PCTP: variants seen among roughly 807,000 people sequenced by gnomAD.
PCTP encodes the protein START domain-containing protein 2.
Under a neutral mutation model 31.0 loss-of-function variants are expected in PCTP, and 27 were observed. The observed-to-expected ratio is 0.87, with a 90% CI of 0.64 to 1.20. The LOEUF (loss-of-function observed/expected upper bound fraction) is 1.20. Ranked by LOEUF, PCTP falls within the 50% of genes most tolerant of loss-of-function variation. The probability of loss-of-function intolerance (pLI) is 0.00; values close to 1 mark genes in which losing one functional copy is unlikely to be tolerated. For synonymous variants in PCTP, 108 were observed against 101.2 expected, an observed-to-expected ratio of 1.07 and a Z score of -0.40; for missense variants, 287 against 268.2, an observed-to-expected ratio of 1.07 and a Z score of -0.49.
intron 3 of PCTP, among the ~76,000 whole-genome samples, chr17:55,793,022 C>G (rs1489704882): frequency 6.6e-6 from 1 of 152,074 alleles, no homozygotes; most frequent in Non-Finnish European, 1.5e-5. Context: ...TCAACCTCAC[C>G]CTGCCATCCC....
chr17:55,804,246 A>G (rs536399395), intron 3 of PCTP, among the ~76,000 whole-genome samples: 1 of 152,364 alleles, frequency 6.6e-6, no homozygotes, highest in African/African-American at 2.4e-5. Flanking sequence ...AGAAATAGGA[A>G]TGCTTTTACA....
chr17:55,810,346 A>C (rs963646858), intron 3 of PCTP, among the ~76,000 whole-genome samples: 4 of 152,164 alleles, frequency 2.6e-5, no homozygotes, highest in Non-Finnish European at 5.9e-5. Context: ...AAGTACTGGG[A>C]AGGCCGAGCA....
At chr17:55,801,941 A>C (rs779590907) in intron 3 of PCTP, among the ~76,000 whole-genome samples, 4 of 152,238 alleles carry the variant, frequency 2.6e-5, no homozygotes, top group Non-Finnish European at 5.9e-5. Flanking sequence ...GTTTTTTGAA[A>C]AGATTAACAA....
downstream of PCTP, among the ~76,000 whole-genome samples, chr17:55,827,885 C>T (rs970300100): frequency 1.3e-5 from 2 of 152,140 alleles, no homozygotes; most frequent in African/African-American, 2.4e-5. Flanking sequence ...CCCTCCCTGA[C>T]GAGAAGCTTA....
At chr17:55,799,507 T>C (rs965841981) in intron 3 of PCTP, among the ~76,000 whole-genome samples, 3 of 152,004 alleles carry the variant, frequency 2.0e-5, no homozygotes, top group Non-Finnish European at 4.4e-5. Context: ...AGCACACCAA[T>C]GGGTCTTGAC....
chr17:55,846,788 A>T (rs1266153776), downstream of PCTP, among the ~76,000 whole-genome samples: 1 of 152,222 alleles, frequency 6.6e-6, no homozygotes. Flanking sequence ...CTCAGAGGTC[A>T]CCTGACTCAA....
At chr17:55,809,538 T>C (rs935515696) in intron 3 of PCTP, among the ~76,000 whole-genome samples, 58 of 151,888 alleles carry the variant, frequency 3.8e-4, no homozygotes, top group African/African-American at 1.4e-3. Flanking sequence ...TTTTTTTTTT[T>C]TGGAGACGAA....
At chr17:55,788,609 T>C (rs1911838676) in intron 3 of PCTP, among the ~76,000 whole-genome samples, 1 of 152,188 alleles carries the variant, frequency 6.6e-6, no homozygotes, top group Non-Finnish European at 1.5e-5. Context: ...TACTTATGAT[T>C]GCTAGTGATT....
intron 5 of PCTP, among the ~76,000 whole-genome samples, chr17:55,839,507 A>G (rs1052012402): frequency 6.6e-6 from 1 of 152,206 alleles, no homozygotes; most frequent in African/African-American, 2.4e-5. Flanking sequence ...TACAGGGACA[A>G]GATATCTATA....
intron 3 of PCTP, among the ~76,000 whole-genome samples, chr17:55,791,945 G>A (rs540517511): frequency 5.3e-5 from 8 of 152,086 alleles, no homozygotes; most frequent in East Asian, 3.9e-4. Context: ...GGAAAATGTG[G>A]CACATATACA....
At chr17:55,845,887 G>GGGGTGTGTGTGTGT (rs1555572496), downstream of PCTP, among the ~76,000 whole-genome samples, 27 of 143,062 alleles carry the variant, frequency 1.9e-4, no homozygotes, top group South Asian at 4.6e-4. Flanking sequence ...AGAGGGTTGG[G>GGGGTGTGTGTGTGT]GTGTGTGTGT....
chr17:55,795,968 G>A (rs1912174318), intron 3 of PCTP, among the ~76,000 whole-genome samples: 1 of 152,040 alleles, frequency 6.6e-6, no homozygotes, highest in African/African-American at 2.4e-5. Flanking sequence ...TCAAAAAAGT[G>A]TTCTGGTGAT....
At chr17:55,758,360 G>A (rs1193366285) in intron 1 of PCTP, among the ~76,000 whole-genome samples, 1 of 152,156 alleles carries the variant, frequency 6.6e-6, no homozygotes, top group East Asian at 1.9e-4. Flanking sequence ...AGACCAGCAT[G>A]ACTGGAAAAA....
chr17:55,782,990 G>A (rs1284894620), intron 2 of PCTP, among the ~76,000 whole-genome samples: 1 of 152,098 alleles, frequency 6.6e-6, no homozygotes, highest in East Asian at 1.9e-4. Flanking sequence ...ATCTGCTGAA[G>A]GAATAAATGA....
At chr17:55,813,112 A>G (rs1210647432) in intron 3 of PCTP, among the ~76,000 whole-genome samples, 1 of 152,148 alleles carries the variant, frequency 6.6e-6, no homozygotes, top group African/African-American at 2.4e-5. Flanking sequence ...GAAGAGTAGA[A>G]TGAGGTTTCG....
chr17:55,809,314 T>C lies in PCTP; in HGVS notation c.318-13447T>C, dbSNP rs192853796. Among the ~76,000 whole-genome samples, 33 of 152,308 alleles carry C rather than the reference T, an allele frequency of 2.2e-4. No individual in the cohort carries two copies. The East Asian group carries it at 6.4e-3, about 29-fold the overall frequency. ...TTTATTTGAAAAGTTTCTTTATATA[T>C]GATATTACATCTATTATCTCTCTGT... is the stretch of plus-strand genomic sequence containing the variant. On this transcript the variant is annotated intron_variant, in intron 3 of 3. Transcript: ENST00000572536.
At chr17:55,820,413 G>C (rs924713932) in intron 3 of PCTP, among the ~76,000 whole-genome samples, 2 of 152,188 alleles carry the variant, frequency 1.3e-5, no homozygotes, top group Non-Finnish European at 2.9e-5. Flanking sequence ...GGTGAGAGCT[G>C]CTCTGGGCTT....
intron 2 of PCTP, among the ~76,000 whole-genome samples, chr17:55,782,692 C>A (rs1157479870): frequency 1.3e-5 from 2 of 152,146 alleles, no homozygotes; most frequent in Non-Finnish European, 2.9e-5. Context: ...CTTGTTTTTA[C>A]ATCAGTCATT....
chr17:55,762,232 G>A (rs187178495), intron 1 of PCTP, among the ~76,000 whole-genome samples: 2 of 152,332 alleles, frequency 1.3e-5, no homozygotes, highest in African/African-American at 4.8e-5. Flanking sequence ...CTGGAGGAAG[G>A]AGAAAAGTTC....
Sources: allele counts gnomAD v4.1 joint callset (sites outside exome capture counted in the v4.1 genomes callset), GRCh38; gene constraint gnomAD v4.1.1; transcripts MANE v1.5; gene names NCBI Gene and HGNC (gene_info 2026-07-23, HGNC 2026-07-21).